The following GABRA1 variants were observed in gnomAD, a reference collection of about 807,000 sequenced individuals.
GABRA1 encodes gamma-aminobutyric acid receptor subunit alpha-1.
Under a neutral mutation model 48.9 loss-of-function variants are expected in GABRA1, and 9 were observed. The observed-to-expected ratio is 0.18, with a 90% CI of 0.11 to 0.32. GABRA1 has a LOEUF of 0.32. Ranked by LOEUF, GABRA1 falls within the 10% of genes least tolerant of loss-of-function variation. The probability of loss-of-function intolerance (pLI) is 1.00; values close to 1 mark genes in which losing one functional copy is unlikely to be tolerated. For synonymous variants in GABRA1, 210 were observed against 198.7 expected (o/e 1.06, Z -0.48); for missense variants, 285 against 553.8 (o/e 0.51, Z 4.87).
intron 5 of GABRA1, among the ~76,000 whole-genome samples, chr5:161,874,797 CAT>C (rs1224977822): frequency 6.6e-6 from 1 of 151,918 alleles, no homozygotes; most frequent in Non-Finnish European, 1.5e-5. Context: ...TGCTAAAAAT[CAT>C]ATGAAGGACA....
In GABRA1 at chr5:161,897,569, C is replaced by A. The variant is rs1755427216; in HGVS notation, c.*147C>A. The A allele has an allele frequency of 2.5e-6, 2 of 808,536 alleles. No individual in the cohort carries two copies. The highest frequency in any genetic ancestry group is 2.0e-6 in the Non-Finnish European group (1 of 510,226). The allele number at this position is 808,536 out of a possible 1,614,324, so 50.1% of individuals were successfully genotyped here. On this transcript the variant is annotated 3_prime_UTR_variant, in exon 10 of 10. Transcript: ENST00000393943. ...TCATAATTCATTTAAGAACAAGAGACCCCTGTCTGGCAGTCTGGAGCAAAG... is the reference window on the plus strand; with the variant it reads ...TCATAATTCATTTAAGAACAAGAGAACCCTGTCTGGCAGTCTGGAGCAAAG...
rs746881638 is a variant in GABRA1 at position 161,899,064 on chromosome 5, G to C, written c.*1642G>C. 6.6e-6 allele frequency: 1 copy of C among 152,482 alleles called. No homozygotes were observed. Among genetic ancestry groups the C allele is most frequent in the Non-Finnish European group, 1.5e-5 (1 of 67,962 alleles). The allele number at this position is 152,482 out of a possible 1,614,324, so 9.4% of individuals were successfully genotyped here. On this transcript the variant is annotated 3_prime_UTR_variant, in exon 10 of 10. Transcript: ENST00000393943. ...TTGAAGTCTCCTTTTGTCTGATAGA[G>C]TTTAACAGATATTTAAATTTAGTGC...
chr5:161,868,836 G>T (rs1237850033), intron 4 of GABRA1, among the ~76,000 whole-genome samples: 1 of 152,094 alleles, frequency 6.6e-6, no homozygotes, highest in Admixed American at 6.6e-5. Context: ...TCTTAGAATA[G>T]GCTTTTTGAT....
intron 8 of GABRA1, among the ~76,000 whole-genome samples, chr5:161,893,005 AAAAAAAT>A (rs920204678): frequency 3.5e-4 from 18 of 50,840 alleles, no homozygotes; most frequent in African/African-American, 2.3e-3. Context: ...ACTCCTTCTC[AAAAAAAT>A]AATAATAATA....
At chr5:161,872,864 C>A (rs10058027) in intron 4 of GABRA1, among the ~76,000 whole-genome samples, 30 of 152,038 alleles carry the variant, frequency 2.0e-4, no homozygotes, top group African/African-American at 7.2e-4. Flanking sequence ...CATATCTGAG[C>A]AGATAATTGG....
At chr5:161,891,802 G>A (rs1755102423) in intron 8 of GABRA1, among the ~76,000 whole-genome samples, 1 of 152,158 alleles carries the variant, frequency 6.6e-6, no homozygotes, top group South Asian at 2.1e-4. Flanking sequence ...GACACAGAAA[G>A]CAGTAGTGAA....
intron 8 of GABRA1, among the ~76,000 whole-genome samples, chr5:161,894,623 T>C (rs1755275750): frequency 6.6e-6 from 1 of 152,194 alleles, no homozygotes; most frequent in East Asian, 1.9e-4. Flanking sequence ...CTACAATATG[T>C]AGCCTGATCC....
intron 6 of GABRA1, 101 bp downstream of exon 6, chr5:161,875,743 A>C: frequency 1.1e-6 from 1 of 872,574 alleles, no homozygotes; most frequent in Non-Finnish European, 2.0e-6. Context: ...AATCAAGAAA[A>C]TTTAAACAGC....
intron 3 of GABRA1, among the ~76,000 whole-genome samples, chr5:161,861,787 A>G (rs1336960186): frequency 1.3e-5 from 2 of 151,908 alleles, no homozygotes; most frequent in Non-Finnish European, 2.9e-5. Context: ...GTAGGAGCCC[A>G]GGATATTTTC....
intron 3 of GABRA1, among the ~76,000 whole-genome samples, chr5:161,861,051 A>G (rs1158659683): frequency 6.6e-6 from 1 of 151,822 alleles, no homozygotes; most frequent in South Asian, 2.1e-4. Flanking sequence ...GCTATACGTC[A>G]CAGAATGCCA....
At chr5:161,852,371 A>T (rs531915447) in intron 2 of GABRA1, among the ~76,000 whole-genome samples, 13 of 152,086 alleles carry the variant, frequency 8.5e-5, no homozygotes, top group African/African-American at 3.1e-4. Context: ...TAGTCATGTT[A>T]CCCCATTTCA....
chr5:161,860,083 G>A (rs1757794538), intron 3 of GABRA1, among the ~76,000 whole-genome samples: 1 of 151,726 alleles, frequency 6.6e-6, no homozygotes, highest in South Asian at 2.1e-4. Flanking sequence ...ACAAATTATA[G>A]AGAAAAGGTA....
At chr5:161,867,283 G>A (rs1753909537) in intron 4 of GABRA1, among the ~76,000 whole-genome samples, 1 of 152,068 alleles carries the variant, frequency 6.6e-6, no homozygotes, top group Admixed American at 6.6e-5. Context: ...AGTTAAGAAT[G>A]CTTATTAGGT....
chr5:161,865,962 C>G (rs752144076), intron 4 of GABRA1, among the ~76,000 whole-genome samples, 174 bp downstream of exon 4: 28 of 151,906 alleles, frequency 1.8e-4, no homozygotes, highest in Non-Finnish European at 2.8e-4. Flanking sequence ...TAGAAAAATA[C>G]TCATTTGCAT....
At position 161,850,800 on chromosome 5, in the gene GABRA1, T is replaced by C; in HGVS notation, c.-11T>C. On this transcript the variant is annotated 5_prime_UTR_variant, in exon 2 of 10. Transcript: ENST00000393943. ...TCTACTTATTCTACTTTTCAGCTGC[T>C]CCAGCCCGCGATGAGGAAAAGTCCA... The C allele has an allele frequency of 1.2e-6, 2 of 1,613,840 alleles. No individual in the cohort carries two copies. Among genetic ancestry groups the C allele is most frequent in the Non-Finnish European group, 1.7e-6 (2 of 1,179,734 alleles).
chr5:161,853,095 T>C (rs1253628423), intron 2 of GABRA1, among the ~76,000 whole-genome samples: 1 of 151,832 alleles, frequency 6.6e-6, no homozygotes, highest in Non-Finnish European at 1.5e-5. Flanking sequence ...GAACTATGAT[T>C]GAAATATATC....
intron 5 of GABRA1, among the ~76,000 whole-genome samples, chr5:161,874,511 G>T (rs780648006): frequency 6.0e-4 from 91 of 152,176 alleles, no homozygotes; most frequent in South Asian, 2.9e-3. Flanking sequence ...CTCTTAGATG[G>T]CAATTTTCTG....
chr5:161,888,489 A>G (rs1754945407), intron 7 of GABRA1, among the ~76,000 whole-genome samples: 1 of 152,126 alleles, frequency 6.6e-6, no homozygotes, highest in African/African-American at 2.4e-5. Context: ...CAAAAATTAT[A>G]TTCTTTTCAG....
chr5:161,860,463 A>G (rs911039177), intron 3 of GABRA1, among the ~76,000 whole-genome samples: 1 of 140,960 alleles, frequency 7.1e-6, no homozygotes, highest in Non-Finnish European at 1.5e-5. Flanking sequence ...GAGTAGAAGG[A>G]TGGTTATCAG....
Sources: allele counts gnomAD v4.1 joint callset (sites outside exome capture counted in the v4.1 genomes callset), GRCh38; gene constraint gnomAD v4.1.1; transcripts MANE v1.5; gene names NCBI Gene and HGNC (gene_info 2026-07-23, HGNC 2026-07-21).